Variants in EFR3B observed in about 807,000 individuals in gnomAD.
EFR3B encodes the protein protein EFR3 homolog B.
EFR3B carries 64 observed loss-of-function variants against 104.7 expected under a neutral mutation model. The observed-to-expected ratio is 0.61, with a 90% confidence interval of 0.50 to 0.75. The LOEUF (loss-of-function observed/expected upper bound fraction) is 0.75, where lower values mean the gene tolerates loss of function less well. Ranked by LOEUF, EFR3B falls within the 30% of genes least tolerant of loss-of-function variation. EFR3B has a pLI of 0.00. For missense variants in EFR3B, 750 were observed against 1,078.5 expected (o/e 0.70, Z 4.27); for synonymous variants, 385 against 417.9 (o/e 0.92, Z 0.96).
intron 4 of EFR3B, among the ~76,000 whole-genome samples, chr2:25,106,407 A>T (rs1435825373): frequency 4.0e-5 from 6 of 151,144 alleles, no homozygotes; most frequent in Non-Finnish European, 7.4e-5. Flanking sequence ...CTTCTACTTC[A>T]GCCTCTCCAG....
At position 25,122,121 on chromosome 2, in the gene EFR3B, C is replaced by T. The variant is rs531680586; in HGVS notation, c.485+327C>T. Reference sequence around the variant, plus strand: ...AGCTGGGATTACAGATGTGCACCACCACGCCCGGCTAATATTTGTATTTTT... The same window carrying T: ...AGCTGGGATTACAGATGTGCACCACTACGCCCGGCTAATATTTGTATTTTT... On this transcript the variant is annotated intron_variant, in intron 5 of 22. Transcript: ENST00000403714. Among the ~76,000 whole-genome samples the T allele has an allele frequency of 7.8e-4, 119 of 152,214 alleles. 1 individual carries two copies. In the South Asian group the frequency reaches 0.023, roughly 30 times the overall value.
chr2:25,117,212 C>T lies in EFR3B; in HGVS notation c.364-4461C>T, dbSNP rs546026888. On this transcript the variant is annotated intron_variant, in intron 4 of 22. Coordinates refer to ENST00000403714, the MANE Select transcript of EFR3B (RefSeq NM_014971.2). ...CCCGTCAGCCCCTGCCTGCGGCTCCCAGGCGTGGCTTCCCAGGTGTGGGCC... is the reference window on the plus strand; with the variant it reads ...CCCGTCAGCCCCTGCCTGCGGCTCCTAGGCGTGGCTTCCCAGGTGTGGGCC... Among the ~76,000 whole-genome samples, 12 of 152,282 alleles carry T rather than the reference C, an allele frequency of 7.9e-5. No individual in the cohort carries two copies. In the East Asian group the frequency reaches 2.3e-3, roughly 29 times the overall value.
In EFR3B at chr2:25,042,486, G is replaced by A; in HGVS notation, c.7+167G>A. 1.7e-6 allele frequency: 2 copies of A among 1,206,846 alleles called. No individual in the cohort carries two copies. The highest frequency in any genetic ancestry group is 2.1e-6 in the Non-Finnish European group (2 of 972,118). 74.8% of individuals were successfully genotyped at this position (1,206,846 alleles called of 1,614,324 possible). On this transcript the variant is annotated intron_variant, in intron 1 of 22. Coordinates refer to ENST00000403714, the MANE Select transcript of EFR3B (RefSeq NM_014971.2). The surrounding 1 kb of genome is among the most constrained non-coding windows in gnomAD (Gnocchi z 5.4). ...CTGTGCGCGCGCGTCTGCGCTGCGA[G>A]GACAAAGATGCCTCGGGCCGGGGAC...
In EFR3B at chr2:25,149,699, G is replaced by C; in HGVS notation, c.2148G>C (p.Val716=). The stretch of plus-strand genomic sequence containing the variant: ...CTCTGTCCCTTCTCCTTCAGCGAGT[G>C]CCTGCCGAGGAGATCACCTATGAGA... ...SRNSPEKEER[V]PAEEITYETL... is the part of the protein sequence containing the mutation. Residue 716 remains valine (V), a synonymous_variant, in exon 20 of 23, where the codon GTG becomes GTC. Coordinates refer to ENST00000403714, the MANE Select transcript of EFR3B (RefSeq NM_014971.2). 1 of 1,551,558 alleles carries C rather than the reference G, an allele frequency of 6.4e-7. No homozygotes were observed. The highest frequency in any genetic ancestry group is 8.7e-7 in the Non-Finnish European group (1 of 1,146,872).
chr2:25,139,169 C>T lies in EFR3B; in HGVS notation c.1833C>T (p.Ala611=), dbSNP rs553580198. ...TCAGTCAGCTCACAACAGTGCCTGC[C>T]TTCTGCCAGCACATCCATGAGGTTG... The part of the protein sequence containing the change: ...NLISQLTTVP[A]FCQHIHEVIE... The change falls in exon 16 of 23, where the codon GCC becomes GCT. Residue 611 remains alanine (A), a synonymous_variant. Coordinates refer to ENST00000403714, the MANE Select transcript of EFR3B (RefSeq NM_014971.2). 62 of 1,551,558 alleles carry T rather than the reference C, an allele frequency of 4.0e-5. No individual in the cohort carries two copies. In the African/African-American group the frequency reaches 7.4e-4, roughly 18 times the overall value.
At chr2:25,152,978 A>C (rs1671057129) in intron 21 of EFR3B, among the ~76,000 whole-genome samples, 1 of 152,128 alleles carries the variant, frequency 6.6e-6, no homozygotes, top group African/African-American at 2.4e-5. Context: ...CTCTGCATTC[A>C]TTAACCTCAT....
chr2:25,120,917 T>C (rs956015819), intron 4 of EFR3B, among the ~76,000 whole-genome samples: 8 of 152,192 alleles, frequency 5.3e-5, no homozygotes, highest in Non-Finnish European at 1.2e-4. Context: ...TTTGTTTTTG[T>C]TTGAGATGGA....
Position 25,103,648 on chromosome 2 carries a change from T to C in EFR3B, c.224T>C (p.Ile75Thr). 6.4e-7 allele frequency: 1 copy of C among 1,550,596 alleles called. No homozygotes were observed. The highest frequency in any genetic ancestry group is 8.7e-7 in the Non-Finnish European group (1 of 1,146,198). ...VGRHRYGYVC[I>T]AMEALDQLLM... ...GCTGCCCTCCCCAGGTACGTGTGCA[T>C]TGCTATGGAGGCTTTGGACCAGCTG... Residue 75 changes from isoleucine to threonine, a missense_variant, in exon 4 of 23, where the codon ATT becomes ACT. By Grantham distance (89) the Ile-to-Thr change is moderately conservative. Transcript: ENST00000403714.
At chr2:25,093,332 A>C (rs1173704439) in intron 3 of EFR3B, among the ~76,000 whole-genome samples, 1 of 152,122 alleles carries the variant, frequency 6.6e-6, no homozygotes, top group East Asian at 1.9e-4. Context: ...CATCTCTACA[A>C]AAAATTTAAA....
At chr2:25,128,085 AT>A in intron 5 of EFR3B, 97 bp from the exon 6 acceptor site, 1 of 1,390,860 alleles carries the variant, frequency 7.2e-7, no homozygotes, top group Non-Finnish European at 9.8e-7. Context: ...GGACAAATGT[AT>A]CCCTGACTCC....
chr2:25,147,131 C>T (rs118172878), intron 19 of EFR3B: 2 of 152,338 alleles, frequency 1.3e-5, no homozygotes, highest in East Asian at 3.9e-4. Flanking sequence ...AGCGCCCGGC[C>T]CCTGTTCAGT....
At chr2:25,043,007 T>G (rs921582723) in intron 1 of EFR3B, among the ~76,000 whole-genome samples, 2 of 152,180 alleles carry the variant, frequency 1.3e-5, no homozygotes, top group African/African-American at 4.8e-5. Flanking sequence ...ACCCTCACGA[T>G]GCACGGCTCT....
chr2:25,106,634 G>T (rs868664875), intron 4 of EFR3B, among the ~76,000 whole-genome samples: 6 of 152,184 alleles, frequency 3.9e-5, no homozygotes, highest in Admixed American at 1.3e-4. Flanking sequence ...AGGGAGACAG[G>T]GTTTCACCAT....
chr2:25,128,960 C>CAAAAAAAAAAA (rs1170505822), intron 6 of EFR3B, among the ~76,000 whole-genome samples: 6 of 26,688 alleles, frequency 2.2e-4, no homozygotes, highest in Admixed American at 7.0e-4. Context: ...GACTCCGTCT[C>CAAAAAAAAAAA]AAAAAAAAAA....
chr2:25,106,147 C>T (rs12233134), intron 4 of EFR3B, among the ~76,000 whole-genome samples: 36,178 of 152,036 alleles, frequency 0.24, 5,588 homozygotes, highest in East Asian at 0.52. Context: ...CATGCTAGTG[C>T]ATGACATTAT....
chr2:25,128,439 G>A, intron 6 of EFR3B, 107 bp downstream of exon 6: 1 of 1,406,692 alleles, frequency 7.1e-7, no homozygotes, highest in Non-Finnish European at 9.7e-7. Context: ...TACAAGGCCA[G>A]GGACATGGCT....
chr2:25,044,201 G>T (rs1238329487), intron 1 of EFR3B, among the ~76,000 whole-genome samples: 1 of 152,158 alleles, frequency 6.6e-6, no homozygotes, highest in Non-Finnish European at 1.5e-5. Context: ...GAATCCTCTG[G>T]GCAGTTGCCT....
chr2:25,086,964 A>G (rs1285439116), intron 1 of EFR3B, among the ~76,000 whole-genome samples: 2 of 152,172 alleles, frequency 1.3e-5, no homozygotes, highest in Non-Finnish European at 2.9e-5. Context: ...CATGCTGTGA[A>G]CGAAGACATA....
intron 4 of EFR3B, among the ~76,000 whole-genome samples, chr2:25,109,978 C>T (rs940665544): frequency 3.9e-5 from 6 of 152,130 alleles, no homozygotes; most frequent in African/African-American, 9.7e-5. Flanking sequence ...TGGTGCAAAG[C>T]GAGTCACCCA....
Sources: allele counts gnomAD v4.1 joint callset (sites outside exome capture counted in the v4.1 genomes callset), GRCh38; gene constraint gnomAD v4.1.1; non-coding constraint Gnocchi (gnomAD v3.1); transcripts MANE v1.5; gene names NCBI Gene and HGNC (gene_info 2026-07-23, HGNC 2026-07-21).